The following CCSER1 variants were observed in gnomAD, a reference collection of about 807,000 sequenced individuals.
CCSER1 encodes the protein coiled-coil serine rich protein 1.
A neutral mutation model predicts 82.0 loss-of-function variants in CCSER1; 41 were observed. That is an observed-to-expected ratio of 0.50 (90% CI 0.39 to 0.65). CCSER1 has a LOEUF of 0.65. CCSER1 is among the 30% of genes least tolerant of loss of function. The pLI, the probability that CCSER1 is intolerant of heterozygous loss-of-function variation, is 0.00. For missense variants in CCSER1, 1,119 were observed against 1,064.2 expected (o/e 1.05, Z -0.72); for synonymous variants, 414 against 383.9 (o/e 1.08, Z -0.92).
intron 10 of CCSER1, among the ~76,000 whole-genome samples, chr4:91,264,606 A>T (rs1175390542): frequency 6.6e-6 from 1 of 152,036 alleles, no homozygotes; most frequent in Non-Finnish European, 1.5e-5. Flanking sequence ...ATATTTTATA[A>T]AGCATAATGA....
At chr4:90,451,568 C>T (rs926879774) in intron 4 of CCSER1, among the ~76,000 whole-genome samples, 1 of 152,166 alleles carries the variant, frequency 6.6e-6, no homozygotes, top group South Asian at 2.1e-4. Context: ...TTTTAAGAAC[C>T]CAGCTGGAAC....
At chr4:90,243,400 C>T (rs562433370) in intron 1 of CCSER1, among the ~76,000 whole-genome samples, 2 of 152,140 alleles carry the variant, frequency 1.3e-5, no homozygotes, top group African/African-American at 4.8e-5. Context: ...AGGAGCGTGC[C>T]ACCATGCTCA....
intron 10 of CCSER1, among the ~76,000 whole-genome samples, chr4:91,374,523 G>C (rs149747284): frequency 9.2e-5 from 14 of 152,262 alleles, no homozygotes; most frequent in Middle Eastern, 6.8e-3. Context: ...TTGAGACCTA[G>C]TGCACAGCAA....
At chr4:90,157,777 A>G (rs1023049753) in intron 1 of CCSER1, among the ~76,000 whole-genome samples, 9 of 152,060 alleles carry the variant, frequency 5.9e-5, no homozygotes, top group Middle Eastern at 3.2e-3. Flanking sequence ...ACATTCATCT[A>G]AATTTTTTTC....
At chr4:91,534,255 A>G (rs763730742) in intron 10 of CCSER1, among the ~76,000 whole-genome samples, 1 of 152,050 alleles carries the variant, frequency 6.6e-6, no homozygotes, top group African/African-American at 2.4e-5. Context: ...TAAATCTGCT[A>G]TGTGCATTTC....
chr4:90,811,436 T>G (rs1428949198), intron 7 of CCSER1, among the ~76,000 whole-genome samples: 1 of 152,186 alleles, frequency 6.6e-6, no homozygotes, highest in Non-Finnish European at 1.5e-5. Flanking sequence ...GTGACAAAAT[T>G]AATTCCTGCT....
At chr4:91,223,930 G>A (rs72875138) in intron 10 of CCSER1, among the ~76,000 whole-genome samples, 8,805 of 152,080 alleles carry the variant, frequency 0.058, 498 homozygotes, top group African/African-American at 0.15. Flanking sequence ...TTTCAAAAAT[G>A]AAATATTTAT....
At chr4:91,296,492 T>TATATATA (rs1744195043) in intron 10 of CCSER1, among the ~76,000 whole-genome samples, 2 of 142,882 alleles carry the variant, frequency 1.4e-5, no homozygotes, top group African/African-American at 2.6e-5. Flanking sequence ...TATATTTTAA[T>TATATATA]TAAATATACA....
chr4:90,233,131 C>A (rs1206440552), intron 1 of CCSER1, among the ~76,000 whole-genome samples: 1 of 152,082 alleles, frequency 6.6e-6, no homozygotes, highest in Non-Finnish European at 1.5e-5. Context: ...TGGGTATATA[C>A]CCAAAGGACT....
chr4:90,519,620 A>G (rs1578930543), intron 5 of CCSER1, among the ~76,000 whole-genome samples: 1 of 151,990 alleles, frequency 6.6e-6, no homozygotes, highest in Non-Finnish European at 1.5e-5. Context: ...GGCTGATTTT[A>G]TTAAATAACA....
At chr4:91,458,673 C>G (rs1245112967) in intron 10 of CCSER1, among the ~76,000 whole-genome samples, 4 of 152,122 alleles carry the variant, frequency 2.6e-5, no homozygotes, top group Non-Finnish European at 5.9e-5. Flanking sequence ...TTCTTGTCCT[C>G]TTCAATTTCT....
chr4:90,633,680 C>G (rs1225842909), intron 6 of CCSER1, among the ~76,000 whole-genome samples: 2 of 151,882 alleles, frequency 1.3e-5, no homozygotes, highest in African/African-American at 4.8e-5. Flanking sequence ...ATCAGTTAAT[C>G]TAATAAACAT....
intron 8 of CCSER1, among the ~76,000 whole-genome samples, chr4:90,834,634 A>T (rs1323686904): frequency 6.6e-6 from 1 of 152,200 alleles, no homozygotes; most frequent in Non-Finnish European, 1.5e-5. Flanking sequence ...TAATAGTATT[A>T]ATAAATTTAA....
At chr4:90,789,295 T>C (rs576489581) in intron 7 of CCSER1, among the ~76,000 whole-genome samples, 1 of 152,194 alleles carries the variant, frequency 6.6e-6, no homozygotes, top group Admixed American at 6.5e-5. Context: ...TCACTCTCCT[T>C]CTTAAATTTG....
rs1276498291 is a variant in CCSER1 at position 91,451,941 on chromosome 4, G to A, written c.2218-146631G>A. ...AGCTGGTCCAATGTGATCCAAAAAG[G>A]TACTCTGGACTGGGCCAACAATATC... On this transcript the variant is annotated intron_variant, in intron 10 of 10. Transcript: ENST00000509176. Among the ~76,000 whole-genome samples the A allele has an allele frequency of 2.0e-5, 3 of 151,924 alleles. No homozygotes were observed. In the East Asian group the frequency reaches 5.8e-4, roughly 29 times the overall value.
rs746033174 is a variant in CCSER1 at position 91,229,919 on chromosome 4, C to T, written c.2217+143925C>T. Among the ~76,000 whole-genome samples the T allele has an allele frequency of 2.8e-4, 43 of 151,888 alleles. 1 individual carries two copies. The highest frequency in any genetic ancestry group is 1.9e-4 in the East Asian group (1 of 5,150). On this transcript the variant is annotated intron_variant, in intron 10 of 10. Transcript: ENST00000509176. ...AAAGCCTAGATGATTGGTTGACAGG[C>T]GCAGCAAACCACCATGGCATATGTA... is the stretch of plus-strand genomic sequence containing the variant.
chr4:91,003,964 A>T (rs10440322), intron 9 of CCSER1, among the ~76,000 whole-genome samples: 1 of 152,242 alleles, frequency 6.6e-6, no homozygotes, highest in Non-Finnish European at 1.5e-5. Context: ...GGGAAGGTCA[A>T]AATCTTCTTC....
chr4:90,747,089 A>G lies in CCSER1; in HGVS notation c.2010+23098A>G, dbSNP rs72661892. On this transcript the variant is annotated intron_variant, in intron 7 of 10. Coordinates refer to ENST00000509176, the MANE Select transcript of CCSER1 (RefSeq NM_001145065.2). ...GGTAGAGAGAAGAGAAAAGGAGGGT[A>G]AGGGAGGAGATGGGAGACAGAAAAT... Among the ~76,000 whole-genome samples the G allele has an allele frequency of 5.5e-3, 832 of 152,290 alleles. 3 individuals carry two copies. Among genetic ancestry groups the G allele is most frequent in the Non-Finnish European group, 7.9e-3 (540 of 68,026 alleles).
At chr4:90,744,199 C>T (rs1382932776) in intron 7 of CCSER1, among the ~76,000 whole-genome samples, 4 of 152,104 alleles carry the variant, frequency 2.6e-5, no homozygotes, top group Non-Finnish European at 5.9e-5. Context: ...CCTGAAATCT[C>T]AGCTGAAAGA....
Sources: allele counts gnomAD v4.1 joint callset (sites outside exome capture counted in the v4.1 genomes callset), GRCh38; gene constraint gnomAD v4.1.1; transcripts MANE v1.5; gene names NCBI Gene and HGNC (gene_info 2026-07-23, HGNC 2026-07-21).